The following BORCS8 variants were observed in gnomAD, a reference collection of about 807,000 sequenced individuals.
BORCS8 encodes the protein BLOC-1 related complex subunit 8, also known as BLOC-1-related complex subunit 8.
In BORCS8, 13 loss-of-function variants were observed where a neutral mutation model predicts 18.7. The observed-to-expected ratio is 0.70, with a 90% CI of 0.45 to 1.11. The LOEUF is 1.11. Among genes scored for constraint, BORCS8 ranks in the 50% least tolerant of loss-of-function variants. The probability of loss-of-function intolerance (pLI) is 0.00; values close to 1 mark genes in which losing one functional copy is unlikely to be tolerated. For synonymous variants in BORCS8, 68 were observed against 64.8 expected (o/e 1.05, Z -0.24); for missense variants, 165 against 165.7 (o/e 1.00, Z 0.02).
At chr19:19,181,915 C>T in intron 4 of BORCS8, 1 of 985,384 alleles carries the variant, frequency 1.0e-6, no homozygotes, top group Non-Finnish European at 1.2e-6. Context: ...AGAATGCCAA[C>T]AAAAACAAAA....
intron 2 of BORCS8, 137 bp downstream of exon 2, chr19:19,186,756 C>T: frequency 1.7e-6 from 1 of 594,844 alleles, no homozygotes; most frequent in South Asian, 2.1e-5. Context: ...CACATCTTGC[C>T]ATCTCCTTCA....
rs1238538755 is a variant in BORCS8, at chr19:19,182,722, T to G, written c.216-39A>C. 8 of 1,528,276 alleles carry G rather than the reference T, an allele frequency of 5.2e-6. No individual in the cohort carries two copies. The highest frequency in any genetic ancestry group is 5.3e-6 in the Non-Finnish European group (6 of 1,135,694). 94.7% of individuals were successfully genotyped at this position (1,528,276 alleles called of 1,614,324 possible). A position where few individuals can be genotyped will look rare whatever the true frequency, so the allele number is the denominator to read the frequency against. On this transcript the variant is annotated intron_variant, in intron 3 of 5. Coordinates refer to ENST00000462790, the MANE Select transcript of BORCS8 (RefSeq NM_001145784.2). This position sits in a 1 kb window ranked among gnomAD's most constrained non-coding sequence, Gnocchi z 4.1. Reference sequence around the variant, plus strand: ...ACAGGCCTGGTCAGCGCTCCGGACCTGCAGGTAACTGTCCCACACCCCAGC... The same window carrying G: ...ACAGGCCTGGTCAGCGCTCCGGACCGGCAGGTAACTGTCCCACACCCCAGC...
In BORCS8 at chr19:19,182,698, C is replaced by G. The variant is rs45560433; in HGVS notation, c.216-15G>C. The G allele has an allele frequency of 0.017, 26,308 of 1,547,368 alleles. 422 individuals are homozygous for G. Among genetic ancestry groups the G allele is most frequent in the South Asian group, 0.062 (5,217 of 83,880 alleles). On this transcript the variant is annotated splice_polypyrimidine_tract_variant and intron_variant, in intron 3 of 5. Transcript: ENST00000462790. This position sits in a 1 kb window ranked among gnomAD's most constrained non-coding sequence, Gnocchi z 4.1. ...TCTTCACGGCGCTGAAACGGGAGGACAGGCCTGGTCAGCGCTCCGGACCTG... is the reference window on the plus strand; with the variant it reads ...TCTTCACGGCGCTGAAACGGGAGGAGAGGCCTGGTCAGCGCTCCGGACCTG...
At chr19:19,181,922 A>G (rs972993027) in intron 4 of BORCS8, 2 of 985,362 alleles carry the variant, frequency 2.0e-6, no homozygotes, top group Non-Finnish European at 2.4e-6. Context: ...CAACAAAAAC[A>G]AAAAGAAGGG....
chr19:19,187,829 G>A (rs796609038), intron 1 of BORCS8, among the ~76,000 whole-genome samples: 16 of 150,220 alleles, frequency 1.1e-4, no homozygotes, highest in African/African-American at 3.7e-4. Flanking sequence ...GAGCCACCGC[G>A]CCTGGCCAGC....
chr19:19,185,659 C>G (rs996366168), intron 3 of BORCS8, among the ~76,000 whole-genome samples: 2 of 152,220 alleles, frequency 1.3e-5, no homozygotes, highest in African/African-American at 4.8e-5. Flanking sequence ...GCACTCCAGC[C>G]TGGGTGACAG....
At chr19:19,181,217 T>C (rs561165277) in intron 4 of BORCS8, among the ~76,000 whole-genome samples, 1 of 127,640 alleles carries the variant, frequency 7.8e-6, no homozygotes, top group Non-Finnish European at 1.7e-5. Context: ...AAGGGACAAA[T>C]GGCTGGGCCC....
At chr19:19,185,506 C>T (rs889187199) in intron 3 of BORCS8, among the ~76,000 whole-genome samples, 1 of 152,014 alleles carries the variant, frequency 6.6e-6, no homozygotes, top group Non-Finnish European at 1.5e-5. Flanking sequence ...GCCAACATGG[C>T]GAAACCCCAT....
Position 19,182,711 on chromosome 19 carries a change from C to A in BORCS8, c.216-28G>T. Reference sequence around the variant, plus strand: ...GAAACGGGAGGACAGGCCTGGTCAGCGCTCCGGACCTGCAGGTAACTGTCC... The same window carrying A: ...GAAACGGGAGGACAGGCCTGGTCAGAGCTCCGGACCTGCAGGTAACTGTCC... On this transcript the variant is annotated intron_variant, in intron 3 of 5. Transcript: ENST00000462790. The surrounding 1 kb of genome is among the most constrained non-coding windows in gnomAD (Gnocchi z 4.1). The A allele has an allele frequency of 6.5e-7, 1 of 1,537,804 alleles. No homozygotes were observed. Among genetic ancestry groups the A allele is most frequent in the Non-Finnish European group, 8.8e-7 (1 of 1,140,484 alleles).
In BORCS8 at chr19:19,177,692, G is replaced by GAAAAGAAAAGAAAAGAAAAGAAAA. The variant is rs1555777404; in HGVS notation, c.*43-233_*43-232insTTTTCTTTTCTTTTCTTTTCTTTT. 7 of 48,886 alleles carry GAAAAGAAAAGAAAAGAAAAGAAAA rather than the reference G, an allele frequency of 1.4e-4. 1 individual carries two copies. The highest frequency in any genetic ancestry group is 5.8e-4 in the African/African-American group (7 of 12,098). 3.0% of individuals were successfully genotyped at this position (48,886 alleles called of 1,614,324 possible). A position where few individuals can be genotyped will look rare whatever the true frequency, so the allele number is the denominator to read the frequency against. Reference sequence around the variant, plus strand: ...AGGAAGGAAGGAAGGAAGGAAGGAAGGAAGAGAAAAGAAAAGAAAAGAAAA... The same window carrying GAAAAGAAAAGAAAAGAAAAGAAAA: ...AGGAAGGAAGGAAGGAAGGAAGGAAGAAAAGAAAAGAAAAGAAAAGAAAAGAAGAGAAAAGAAAAGAAAAGAAAA... On this transcript the variant is annotated intron_variant, in intron 5 of 5. Transcript: ENST00000462790.
rs1319021334 is a variant in BORCS8, at chr19:19,177,675, AGGAAGGAAGGAAG to A, written c.*43-228_*43-216del. The A allele has an allele frequency of 2.6e-3, 257 of 100,548 alleles. 13 individuals carry two copies. Among genetic ancestry groups the A allele is most frequent in the Admixed American group, 4.1e-3 (33 of 8,004 alleles). The allele number at this position is 100,548 out of a possible 1,614,324, so 6.2% of individuals were successfully genotyped here. ...AAGGAAGGAAGGAAGGAAGGAAGGA[AGGAAGGAAGGAAG>A]GAAGGAAGAGAAAAGAAAAGAAAAG... On this transcript the variant is annotated intron_variant, in intron 5 of 5. Coordinates refer to ENST00000462790, the MANE Select transcript of BORCS8 (RefSeq NM_001145784.2).
At chr19:19,191,491 CAAA>C (rs34145724) in intron 1 of BORCS8, among the ~76,000 whole-genome samples, 13 of 85,974 alleles carry the variant, frequency 1.5e-4, no homozygotes, top group Non-Finnish European at 1.8e-4. Flanking sequence ...TACCTTGTCT[CAAA>C]AAAAAAAAAA....
At chr19:19,180,149 A>G (rs1335530387) in intron 5 of BORCS8, 5 of 161,450 alleles carry the variant, frequency 3.1e-5, no homozygotes, top group African/African-American at 1.2e-4. Context: ...ACTGCTCCAA[A>G]GCACATCCGT....
chr19:19,180,791 G>A (rs1336976544), intron 4 of BORCS8, 30 bp from the exon 5 acceptor site: 8 of 1,533,918 alleles, frequency 5.2e-6, no homozygotes, highest in Non-Finnish European at 7.0e-6. Flanking sequence ...GCATCCATGA[G>A]GCCAAGGTCA....
At chr19:19,177,636 AGAAAGAAGGAAGGAAG>A (rs1382332769) in intron 5 of BORCS8, 176 bp from the exon 6 acceptor site, 15 of 134,420 alleles carry the variant, frequency 1.1e-4, no homozygotes, top group African/African-American at 3.9e-4. Flanking sequence ...AAAGAAAGAA[AGAAAGAAGGAAGGAAG>A]GAAGGAAGGA....
intron 1 of BORCS8, 44 bp from the exon 2 acceptor site, chr19:19,187,049 G>A: frequency 1.4e-6 from 2 of 1,439,006 alleles, no homozygotes; most frequent in Non-Finnish European, 1.9e-6. Flanking sequence ...GGGAGACAAA[G>A]CGTCAGCCTC....
chr19:19,192,046 C>T (rs2060490108), intron 1 of BORCS8, 35 bp downstream of exon 1: 6 of 1,550,102 alleles, frequency 3.9e-6, no homozygotes, highest in Admixed American at 3.9e-5. Flanking sequence ...CACAAGTTAC[C>T]GGCCCCCTCT....
At chr19:19,189,396 G>A (rs575949258) in intron 1 of BORCS8, among the ~76,000 whole-genome samples, 3 of 152,284 alleles carry the variant, frequency 2.0e-5, no homozygotes, top group Admixed American at 1.3e-4. Flanking sequence ...CATGCAGCAC[G>A]TGAGGCAAAC....
chr19:19,177,625 A>G (rs1447327489), intron 5 of BORCS8, 165 bp from the exon 6 acceptor site: 1 of 143,760 alleles, frequency 7.0e-6, no homozygotes, highest in Non-Finnish European at 1.4e-5. Flanking sequence ...AGATCCTGTC[A>G]AAAGAAAGAA....
Sources: allele counts gnomAD v4.1 joint callset (sites outside exome capture counted in the v4.1 genomes callset), GRCh38; gene constraint gnomAD v4.1.1; non-coding constraint Gnocchi (gnomAD v3.1); transcripts MANE v1.5; gene names NCBI Gene and HGNC (gene_info 2026-07-23, HGNC 2026-07-21).